Variants in LRRC7 observed in about 807,000 individuals in gnomAD.
LRRC7 encodes leucine rich repeat containing 7, also known as leucine-rich repeat-containing protein 7.
Under a neutral mutation model 175.7 loss-of-function variants are expected in LRRC7, and 23 were observed. The observed-to-expected ratio is 0.13, with a 90% CI of 0.09 to 0.19. The LOEUF is 0.19. Ranked by LOEUF, LRRC7 falls within the 10% of genes least tolerant of loss-of-function variation. The pLI is 1.00. For missense variants in LRRC7, 1,354 were observed against 1,904.7 expected, an observed-to-expected ratio of 0.71 and a Z score of 5.38; for synonymous variants, 685 against 680.9, an observed-to-expected ratio of 1.01 and a Z score of -0.09.
At chr1:69,711,343 T>C (rs1316839335) in intron 2 of LRRC7, among the ~76,000 whole-genome samples, 1 of 152,202 alleles carries the variant, frequency 6.6e-6, no homozygotes, top group Non-Finnish European at 1.5e-5. Flanking sequence ...TCCTAGCACA[T>C]TGTTGGCACT....
intron 2 of LRRC7, among the ~76,000 whole-genome samples, chr1:69,695,557 G>A (rs989660198): frequency 3.3e-5 from 5 of 152,166 alleles, no homozygotes; most frequent in South Asian, 4.1e-4. Flanking sequence ...ATGGAGCCAA[G>A]CACTAATAGC....
In LRRC7 at chr1:69,890,139, C is replaced by G. The variant is rs116544605; in HGVS notation, c.648-41368C>G. Reference sequence around the variant, plus strand: ...TTAATGGCATCTAGAATGGTGAATCCTCTCCAGAATGTTTTCAATTTACTT... The same window carrying G: ...TTAATGGCATCTAGAATGGTGAATCGTCTCCAGAATGTTTTCAATTTACTT... On this transcript the variant is annotated intron_variant, in intron 7 of 26. Coordinates refer to ENST00000651989, the MANE Select transcript of LRRC7 (RefSeq NM_001370785.2). 4.8e-3 allele frequency among the ~76,000 whole-genome samples: 731 copies of G among 152,230 alleles called. 10 individuals carry two copies. Among genetic ancestry groups the G allele is most frequent in the African/African-American group, 0.016 (676 of 41,538 alleles).
intron 26 of LRRC7, among the ~76,000 whole-genome samples, chr1:70,109,492 C>T (rs1362680586): frequency 6.6e-6 from 1 of 152,198 alleles, no homozygotes; most frequent in African/African-American, 2.4e-5. Flanking sequence ...ATGTAAATAG[C>T]AGTTGGTCTT....
chr1:70,062,706 G>A (rs1239877889), intron 23 of LRRC7, among the ~76,000 whole-genome samples: 1 of 151,960 alleles, frequency 6.6e-6, no homozygotes, highest in African/African-American at 2.4e-5. Context: ...AGGAAAAAGG[G>A]TTTGAAAAAA....
intron 8 of LRRC7, among the ~76,000 whole-genome samples, chr1:69,954,928 G>T (rs1409227614): frequency 6.6e-6 from 1 of 151,962 alleles, no homozygotes; most frequent in African/African-American, 2.4e-5. Flanking sequence ...GATGTTAATG[G>T]CAAAGCACTA....
At chr1:70,110,876 G>A (rs982761029) in intron 26 of LRRC7, among the ~76,000 whole-genome samples, 15 of 152,122 alleles carry the variant, frequency 9.9e-5, no homozygotes, top group Non-Finnish European at 1.6e-4. Context: ...AAGAAGGCAA[G>A]CTATATATTT....
chr1:69,856,335 G>C (rs553377028), intron 7 of LRRC7, among the ~76,000 whole-genome samples: 1 of 151,958 alleles, frequency 6.6e-6, no homozygotes, highest in Non-Finnish European at 1.5e-5. Context: ...CTGGTTTTTT[G>C]AAAAGATCAA....
intron 3 of LRRC7, 97 bp downstream of exon 3, chr1:69,760,490 T>C (rs17325887): frequency 0.028 from 27,852 of 978,586 alleles, 491 homozygotes; most frequent in African/African-American, 0.046. Context: ...GGCTCCTATC[T>C]AGGTAACTGA....
At position 69,701,244 on chromosome 1, in the gene LRRC7, C is replaced by T. The variant is rs1391059408; in HGVS notation, c.100+22766C>T. On this transcript the variant is annotated intron_variant, in intron 2 of 26. Coordinates refer to ENST00000651989, the MANE Select transcript of LRRC7 (RefSeq NM_001370785.2). ...TATCAGTGAGAATACCAACACATTT[C>T]AGATGTTACAGGCTCATTGAAGTAA... 2.0e-5 allele frequency among the ~76,000 whole-genome samples: 3 copies of T among 152,120 alleles called. No homozygotes were observed. The East Asian group carries it at 5.8e-4, about 29-fold the overall frequency.
At chr1:69,874,942 A>C (rs528895092) in intron 7 of LRRC7, 7 of 152,150 alleles carry the variant, frequency 4.6e-5, no homozygotes, top group African/African-American at 1.7e-4. Flanking sequence ...CATATATTGC[A>C]TATGTCTCTC....
chr1:69,987,661 A>G (rs996482123), intron 10 of LRRC7, among the ~76,000 whole-genome samples: 3 of 152,200 alleles, frequency 2.0e-5, no homozygotes, highest in African/African-American at 7.2e-5. Flanking sequence ...TTTAAAAATT[A>G]AGCCATATCC....
chr1:70,023,071 G>C, intron 16 of LRRC7, 55 bp from the exon 17 acceptor site: 1 of 1,370,584 alleles, frequency 7.3e-7, no homozygotes, highest in South Asian at 2.3e-5. Context: ...TAAAGTGAAA[G>C]TATTGCTACA....
At chr1:69,608,913 C>CAT (rs1472639407) in intron 1 of LRRC7, among the ~76,000 whole-genome samples, 36 of 132,842 alleles carry the variant, frequency 2.7e-4, no homozygotes, top group Non-Finnish European at 4.8e-4. Flanking sequence ...CACACACACA[C>CAT]ATATATATAA....
chr1:69,992,414 G>A (rs1654525258), intron 10 of LRRC7, among the ~76,000 whole-genome samples: 1 of 152,084 alleles, frequency 6.6e-6, no homozygotes, highest in Non-Finnish European at 1.5e-5. Flanking sequence ...AAGGGCACAA[G>A]TAGAGAGAAG....
chr1:69,617,690 A>T (rs1649887011), intron 1 of LRRC7, among the ~76,000 whole-genome samples: 1 of 151,882 alleles, frequency 6.6e-6, no homozygotes, highest in African/African-American at 2.4e-5. Context: ...CACTAACAGT[A>T]CCTGTTGCAG....
At chr1:69,781,572 C>G (rs1015508461) in intron 3 of LRRC7, among the ~76,000 whole-genome samples, 1 of 150,498 alleles carries the variant, frequency 6.6e-6, no homozygotes. Flanking sequence ...ATCCCAGCTA[C>G]TTGGCAGGCT....
chr1:69,660,383 CAAACAG>C (rs1657280407), intron 1 of LRRC7, among the ~76,000 whole-genome samples: 1 of 151,996 alleles, frequency 6.6e-6, no homozygotes, highest in African/African-American at 2.4e-5. Flanking sequence ...AGTTAATAGA[CAAACAG>C]AAACAAAATC....
intron 7 of LRRC7, among the ~76,000 whole-genome samples, chr1:69,906,254 T>C (rs2101683999): frequency 6.6e-6 from 1 of 152,336 alleles, no homozygotes; most frequent in Middle Eastern, 3.4e-3. Flanking sequence ...GCAGAAGCTC[T>C]TTAGTTTAAT....
intron 7 of LRRC7, among the ~76,000 whole-genome samples, chr1:69,907,069 C>A (rs113869772): frequency 0.034 from 5,137 of 151,034 alleles, 301 homozygotes; most frequent in African/African-American, 0.12. Context: ...TTTGTCTGTT[C>A]TTGGTGTATA....
Sources: allele counts gnomAD v4.1 joint callset (sites outside exome capture counted in the v4.1 genomes callset), GRCh38; gene constraint gnomAD v4.1.1; transcripts MANE v1.5; gene names NCBI Gene and HGNC (gene_info 2026-07-23, HGNC 2026-07-21).